The following RSPH10B2 variants were observed in gnomAD, a reference collection of about 807,000 sequenced individuals.
RSPH10B2 encodes radial spoke head 10 homolog B2 (Chlamydomonas).
RSPH10B2 carries 9 observed loss-of-function variants against 49.0 expected under a neutral mutation model. The observed-to-expected ratio is 0.18, with a 90% CI of 0.11 to 0.32. The LOEUF is 0.32. Ranked by LOEUF, RSPH10B2 falls within the 10% of genes least tolerant of loss-of-function variation. RSPH10B2 has a pLI of 1.00. For synonymous variants in RSPH10B2, 35 were observed against 210.2 expected (o/e 0.17, Z 7.21); for missense variants, 95 against 589.9 (o/e 0.16, Z 8.69).
chr7:6,777,068 T>TG (rs199783272), intron 10 of RSPH10B2, among the ~76,000 whole-genome samples: 1,173 of 42,604 alleles, frequency 0.028, 19 homozygotes, highest in African/African-American at 0.13. Context: ...TGTTTTGTTT[T>TG]TTTTGAGACA....
chr7:6,786,565 CTCCTGGGCTCAAAT>C (rs1330317775), intron 14 of RSPH10B2, among the ~76,000 whole-genome samples: 2 of 104,612 alleles, frequency 1.9e-5, no homozygotes, highest in Non-Finnish European at 3.6e-5. Flanking sequence ...TGATCTCAAA[CTCCTGGGCTCAAAT>C]GATCCTCCTG....
At chr7:6,764,765 T>C (rs1326498395) in intron 4 of RSPH10B2, among the ~76,000 whole-genome samples, 4 of 149,850 alleles carry the variant, frequency 2.7e-5, no homozygotes, top group Non-Finnish European at 5.9e-5. Context: ...TTGAGACATA[T>C]TGGAGGGATT....
chr7:6,784,586 G>C (rs1275195160), intron 13 of RSPH10B2, among the ~76,000 whole-genome samples: 2 of 79,798 alleles, frequency 2.5e-5, no homozygotes, highest in Admixed American at 1.5e-4. Flanking sequence ...TTATTATTTT[G>C]AGACAGTCTT....
intron 7 of RSPH10B2, among the ~76,000 whole-genome samples, chr7:6,769,625 G>A (rs1436397631): frequency 8.8e-6 from 1 of 113,262 alleles, no homozygotes; most frequent in African/African-American, 3.9e-5. Context: ...GTTTCGCTCT[G>A]TTGCCCAGGC....
At chr7:6,796,284 A>T (rs1443372999) in intron 17 of RSPH10B2, among the ~76,000 whole-genome samples, 1 of 125,770 alleles carries the variant, frequency 8.0e-6, no homozygotes, top group East Asian at 2.1e-4. Context: ...ACTGCACTCC[A>T]GCCTGGGTGA....
chr7:6,784,783 G>A (rs1226046764), intron 13 of RSPH10B2, among the ~76,000 whole-genome samples: 2 of 120,842 alleles, frequency 1.7e-5, no homozygotes, highest in Non-Finnish European at 3.3e-5. Flanking sequence ...GGCCAGGATG[G>A]TCTGGATCTC....
Position 6,793,218 on chromosome 7 carries a change from T to G in RSPH10B2, c.2233+1221T>G, listed in dbSNP as rs182786176. On this transcript the variant is annotated intron_variant, in intron 17 of 18. Transcript: ENST00000297186. ...ATGAGCCCAACCGCGCCTGGTCTTTTTTTGTTTGTTTGTTAAAGAGATGGG... is the reference window on the plus strand; with the variant it reads ...ATGAGCCCAACCGCGCCTGGTCTTTGTTTGTTTGTTTGTTAAAGAGATGGG... Among the ~76,000 whole-genome samples the G allele has an allele frequency of 4.8e-4, 54 of 113,126 alleles. 14 individuals carry two copies. The highest frequency in any genetic ancestry group is 1.8e-3 in the African/African-American group (49 of 27,822). 74.2% of individuals were successfully genotyped at this position (113,126 alleles called of 152,430 possible). A position where few individuals can be genotyped will look rare whatever the true frequency, so the allele number is the denominator to read the frequency against.
upstream of RSPH10B2, among the ~76,000 whole-genome samples, chr7:6,756,067 G>C (rs567101549): frequency 1.3e-5 from 2 of 150,632 alleles, no homozygotes; most frequent in African/African-American, 2.5e-5. Context: ...AGGAGATCGA[G>C]ACCATCCTGG....
chr7:6,776,873 T>TCACACACACACACA (rs746541740), intron 10 of RSPH10B2, among the ~76,000 whole-genome samples: 55 of 111,074 alleles, frequency 5.0e-4, no homozygotes, highest in Non-Finnish European at 6.2e-4. Context: ...CGAGACTCCA[T>TCACACACACACACA]CACACACACA....
intron 7 of RSPH10B2, among the ~76,000 whole-genome samples, chr7:6,769,662 C>G (rs1181830585): frequency 8.5e-6 from 1 of 117,432 alleles, no homozygotes; most frequent in East Asian, 2.0e-4. Context: ...GATCTCAGCT[C>G]GCTGCAACCT....
rs1781229557 is a variant in RSPH10B2, at chr7:6,760,552, T to G, written c.399+258T>G. ...CATACATGTATGTAGCTTGTCCTACTTTTTTCTTTGAGACAGGGTCTTGCT... is the reference window on the plus strand; with the variant it reads ...CATACATGTATGTAGCTTGTCCTACGTTTTTCTTTGAGACAGGGTCTTGCT... On this transcript the variant is annotated intron_variant, in intron 3 of 18. Transcript: ENST00000297186. 1.8e-5 allele frequency among the ~76,000 whole-genome samples: 2 copies of G among 109,836 alleles called. 1 individual carries two copies. The allele number at this position is 109,836 out of a possible 152,430, so 72.1% of individuals were successfully genotyped here. A position where few individuals can be genotyped will look rare whatever the true frequency, so the allele number is the denominator to read the frequency against.
chr7:6,780,602 C>T (rs1255371071), intron 11 of RSPH10B2, among the ~76,000 whole-genome samples: 1 of 116,686 alleles, frequency 8.6e-6, no homozygotes, highest in East Asian at 2.8e-4. Context: ...CCAGGCTGGT[C>T]TTAAACTCCT....
intron 3 of RSPH10B2, among the ~76,000 whole-genome samples, chr7:6,763,066 G>A (rs1157252734): frequency 7.4e-4 from 1 of 1,350 alleles, no homozygotes; most frequent in African/African-American, 4.6e-3. Flanking sequence ...TGATTGTGCC[G>A]CTGCACTCCA....
At chr7:6,796,118 G>A (rs867736951) in intron 17 of RSPH10B2, among the ~76,000 whole-genome samples, 1 of 137,784 alleles carries the variant, frequency 7.3e-6, no homozygotes, top group African/African-American at 2.7e-5. Context: ...TTAAGAGTTC[G>A]AGACCAGCCT....
chr7:6,781,318 G>A lies in RSPH10B2; in HGVS notation c.1610-10G>A, dbSNP rs200103479. On this transcript the variant is annotated splice_polypyrimidine_tract_variant and intron_variant, in intron 12 of 18. Coordinates refer to ENST00000297186, the Ensembl canonical transcript of RSPH10B2. ...AATCTGTAATCATTTTTCGAACGTT[G>A]TATTTTTAGGCAATTTATTCCGTGA... is the stretch of plus-strand genomic sequence containing the variant. The A allele has an allele frequency of 2.2e-4, 283 of 1,275,646 alleles. 61 individuals are homozygous for A. Among genetic ancestry groups the A allele is most frequent in the Middle Eastern group, 4.6e-4 (2 of 4,366 alleles). 79.0% of individuals were successfully genotyped at this position (1,275,646 alleles called of 1,614,324 possible).
At position 6,757,950 on chromosome 7, in the gene RSPH10B2, C is replaced by G. The variant is rs1423730584; in HGVS notation, c.254+19C>G. 1 of 1,611,700 alleles carries G rather than the reference C, an allele frequency of 6.2e-7. No homozygotes were observed. Among genetic ancestry groups the G allele is most frequent in the African/African-American group, 1.3e-5 (1 of 74,604 alleles). On this transcript the variant is annotated intron_variant, in intron 1 of 18. Coordinates refer to ENST00000297186, the Ensembl canonical transcript of RSPH10B2. Reference sequence around the variant, plus strand: ...TGGAAAGGTGATTTTAATGGGGGTGCCATCGGGTATAACACTGCCAGTCAG... The same window carrying G: ...TGGAAAGGTGATTTTAATGGGGGTGGCATCGGGTATAACACTGCCAGTCAG...
rs536308653 is a variant in RSPH10B2, at chr7:6,796,038, G to A, written c.2234-530G>A. 4.3e-3 allele frequency among the ~76,000 whole-genome samples: 621 copies of A among 144,418 alleles called. 1 individual carries two copies. The highest frequency in any genetic ancestry group is 0.015 in the African/African-American group (589 of 39,432). 94.7% of individuals were successfully genotyped at this position (144,418 alleles called of 152,430 possible). On this transcript the variant is annotated intron_variant, in intron 17 of 18. Coordinates refer to ENST00000297186, the Ensembl canonical transcript of RSPH10B2. Reference sequence around the variant, plus strand: ...TTCTTAAGATAGAAAAAAAAGAGGTGGCTGGGCACAGTGGCTCATGCCTGT... The same window carrying A: ...TTCTTAAGATAGAAAAAAAAGAGGTAGCTGGGCACAGTGGCTCATGCCTGT...
At chr7:6,780,108 C>T (rs1156718070) in intron 11 of RSPH10B2, among the ~76,000 whole-genome samples, 8 of 112,976 alleles carry the variant, frequency 7.1e-5, no homozygotes, top group Non-Finnish European at 1.5e-4. Context: ...CAGGCGTGAG[C>T]CACCATGCCC....
chr7:6,756,234 C>T (rs2115393363), upstream of RSPH10B2, among the ~76,000 whole-genome samples: 1 of 140,718 alleles, frequency 7.1e-6, no homozygotes, highest in South Asian at 2.3e-4. Context: ...CGCACCACCG[C>T]ACTCCAGCCT....
Sources: allele counts gnomAD v4.1 joint callset (sites outside exome capture counted in the v4.1 genomes callset), GRCh38; gene constraint gnomAD v4.1.1; transcripts MANE v1.5; gene names NCBI Gene and HGNC (gene_info 2026-07-23, HGNC 2026-07-21).